Variants in ZNF432 observed in about 807,000 individuals in gnomAD.
ZNF432 encodes zinc finger protein 432.
ZNF432 carries 10 observed loss-of-function variants against 13.9 expected under a neutral mutation model. That is an observed-to-expected ratio of 0.72 (90% CI 0.44 to 1.22). The LOEUF (loss-of-function observed/expected upper bound fraction) is 1.22, where lower values mean the gene tolerates loss of function less well. Ranked by LOEUF, ZNF432 falls within the 50% of genes most tolerant of loss-of-function variation. ZNF432 has a pLI of 0.00. For missense variants in ZNF432, 793 were observed against 796.2 expected, an observed-to-expected ratio of 1.00 and a Z score of 0.05; for synonymous variants, 247 against 256.2, an observed-to-expected ratio of 0.96 and a Z score of 0.34.
intron 2 of ZNF432, among the ~76,000 whole-genome samples, chr19:52,042,143 AAT>A (rs2087142343): frequency 1.3e-5 from 2 of 152,194 alleles, no homozygotes; most frequent in Admixed American, 6.5e-5. Context: ...CATACATATA[AAT>A]ATATGTTTAT....
chr19:52,040,552 G>A lies in ZNF432; in HGVS notation c.174C>T (p.Ser58=). The change falls in exon 4 of 5, where the codon TCC becomes TCT. Residue 58 remains serine (S), a synonymous_variant. Coordinates refer to ENST00000221315, the MANE Select transcript of ZNF432 (RefSeq NM_014650.4). ...GYQVSKPDAL[S]KLERGEEPWT... Reference sequence around the variant, plus strand: ...ATGGTTCTTCTCCTCGTTCCAACTTGGAGAGTGCATCTGGTTTGCTGACTT... The same window carrying A: ...ATGGTTCTTCTCCTCGTTCCAACTTAGAGAGTGCATCTGGTTTGCTGACTT... The A allele has an allele frequency of 1.2e-6, 2 of 1,614,112 alleles. No homozygotes were observed. The highest frequency in any genetic ancestry group is 1.7e-6 in the Non-Finnish European group (2 of 1,180,012).
chr19:52,042,297 C>T (rs1262823641), intron 2 of ZNF432, among the ~76,000 whole-genome samples: 1 of 151,954 alleles, frequency 6.6e-6, no homozygotes, highest in Non-Finnish European at 1.5e-5. Flanking sequence ...ACCTGTAATC[C>T]CAGCACTTTG....
At chr19:52,036,171 C>A (rs2087079180) in intron 4 of ZNF432, among the ~76,000 whole-genome samples, 1 of 152,214 alleles carries the variant, frequency 6.6e-6, no homozygotes, top group South Asian at 2.1e-4. Context: ...TGTATTTATT[C>A]ACTCCACTAG....
intron 2 of ZNF432, among the ~76,000 whole-genome samples, chr19:52,045,207 AAC>A (rs2087169584): frequency 6.6e-6 from 1 of 152,174 alleles, no homozygotes; most frequent in Admixed American, 6.5e-5. Flanking sequence ...ACATACATAA[AAC>A]ACATGGATTT....
chr19:52,045,229 C>T (rs1031550762), intron 2 of ZNF432, among the ~76,000 whole-genome samples: 11 of 151,840 alleles, frequency 7.2e-5, no homozygotes, highest in Admixed American at 5.9e-4. Flanking sequence ...TATAAATACA[C>T]ATATATACAG....
At chr19:52,048,182 C>CACACAAAAAA (rs1482172095) in intron 1 of ZNF432, among the ~76,000 whole-genome samples, 13 of 146,306 alleles carry the variant, frequency 8.9e-5, no homozygotes, top group African/African-American at 2.1e-4. Flanking sequence ...CACACACACA[C>CACACAAAAAA]AAAACCAGCC....
intron 2 of ZNF432, among the ~76,000 whole-genome samples, chr19:52,043,626 T>C (rs372696534): frequency 1.2e-4 from 18 of 152,200 alleles, no homozygotes; most frequent in East Asian, 9.7e-4. Flanking sequence ...GGAAGGCATC[T>C]GTCTCCTGCC....
In ZNF432 at chr19:52,032,458, CAG is replaced by C. The variant is rs2087023739; in HGVS notation, c.*1260_*1261del. The stretch of plus-strand genomic sequence containing the variant: ...TGGTTTTTTTTTTTTTTTTTTGAGG[CAG>C]AGTTTCGCTCTTGTTGCCCAGGCTG... On this transcript the variant is annotated 3_prime_UTR_variant, in exon 5 of 5. Coordinates refer to ENST00000221315, the MANE Select transcript of ZNF432 (RefSeq NM_014650.4). 1 of 119,412 alleles carries C rather than the reference CAG, an allele frequency of 8.4e-6. No homozygotes were observed. Among genetic ancestry groups the C allele is most frequent in the Non-Finnish European group, 1.7e-5 (1 of 59,452 alleles). The allele number at this position is 119,412 out of a possible 1,614,324, so 7.4% of individuals were successfully genotyped here. A position where few individuals can be genotyped will look rare whatever the true frequency, so the allele number is the denominator to read the frequency against.
At chr19:52,044,195 C>T (rs376157896) in intron 2 of ZNF432, among the ~76,000 whole-genome samples, 18 of 151,974 alleles carry the variant, frequency 1.2e-4, no homozygotes, top group African/African-American at 4.4e-4. Flanking sequence ...CTTAATGCTG[C>T]TGATCTCATC....
chr19:52,044,374 AT>A (rs1372394238), intron 2 of ZNF432, among the ~76,000 whole-genome samples: 3 of 152,134 alleles, frequency 2.0e-5, no homozygotes, highest in Non-Finnish European at 4.4e-5. Context: ...GTTAAAAGCC[AT>A]AAAGGAAAAA....
At position 52,031,626 on chromosome 19, in the gene ZNF432, C is replaced by T. The variant is rs1242029393; in HGVS notation, c.*2094G>A. 6.6e-6 allele frequency: 1 copy of T among 152,164 alleles called. No individual in the cohort carries two copies. Among genetic ancestry groups the T allele is most frequent in the Admixed American group, 6.5e-5 (1 of 15,276 alleles). The allele number at this position is 152,164 out of a possible 1,614,324, so 9.4% of individuals were successfully genotyped here. A position where few individuals can be genotyped will look rare whatever the true frequency, so the allele number is the denominator to read the frequency against. Reference sequence around the variant, plus strand: ...CTTACGATTCCATTTTAATAGCATTCTTGAAATAACAAAATTAGGGTAATG... The same window carrying T: ...CTTACGATTCCATTTTAATAGCATTTTTGAAATAACAAAATTAGGGTAATG... On this transcript the variant is annotated 3_prime_UTR_variant, in exon 5 of 5. Coordinates refer to ENST00000221315, the MANE Select transcript of ZNF432 (RefSeq NM_014650.4).
chr19:52,040,373 A>G, intron 4 of ZNF432, 115 bp downstream of exon 4: 1 of 885,506 alleles, frequency 1.1e-6, no homozygotes, highest in Non-Finnish European at 1.9e-6. Flanking sequence ...TTTCTTGTGG[A>G]GGGAAAACGA....
intron 1 of ZNF432, among the ~76,000 whole-genome samples, chr19:52,048,195 G>A (rs2087211093): frequency 1.1e-5 from 1 of 93,836 alleles, no homozygotes; most frequent in African/African-American, 3.6e-5. Flanking sequence ...AACCAGCCAG[G>A]GCTCTTGTGA....
chr19:52,047,687 A>G (rs11882053), intron 1 of ZNF432, among the ~76,000 whole-genome samples: 52,294 of 148,172 alleles, frequency 0.35, 9,772 homozygotes, highest in South Asian at 0.61. Flanking sequence ...AAAAAAAAAA[A>G]TGTTTATATA....
In ZNF432 at chr19:52,046,864, A is replaced by T; in HGVS notation, c.5T>A (p.Ile2Asn). The T allele has an allele frequency of 1.2e-6, 2 of 1,613,576 alleles. No individual in the cohort carries two copies. ...TAGAGAAAAAGTCACCTGGGCATTG[A>T]TCATTTTCTTCTGTTGTGGGAAATG... M[I>N]NAQELLTLED... Residue 2 changes from isoleucine (I) to asparagine (N), a missense_variant, in exon 2 of 5, where the codon ATC (isoleucine) becomes AAC (asparagine). Ile to Asn is a moderately radical substitution (Grantham distance 149). Transcript: ENST00000221315.
intron 2 of ZNF432, among the ~76,000 whole-genome samples, chr19:52,044,227 C>A (rs1056791176): frequency 3.3e-5 from 5 of 151,774 alleles, no homozygotes; most frequent in African/African-American, 9.7e-5. Context: ...TTATTTCACA[C>A]GAGAAATAAA....
rs2087028369 is a variant in ZNF432 at position 52,032,804 on chromosome 19, T to C, written c.*916A>G. 6.6e-6 allele frequency: 1 copy of C among 152,234 alleles called. No homozygotes were observed. Among genetic ancestry groups the C allele is most frequent in the African/African-American group, 2.4e-5 (1 of 41,468 alleles). The allele number at this position is 152,234 out of a possible 1,614,324, so 9.4% of individuals were successfully genotyped here. Reference sequence around the variant, plus strand: ...TGATCCTTTTTAAAGTTACTCTTCATATAAGTTTTATTTCTGTATGAAGTA... The same window carrying C: ...TGATCCTTTTTAAAGTTACTCTTCACATAAGTTTTATTTCTGTATGAAGTA... On this transcript the variant is annotated 3_prime_UTR_variant, in exon 5 of 5. Coordinates refer to ENST00000221315, the MANE Select transcript of ZNF432 (RefSeq NM_014650.4).
chr19:52,042,877 C>T (rs2087148775), intron 2 of ZNF432, among the ~76,000 whole-genome samples: 1 of 152,060 alleles, frequency 6.6e-6, no homozygotes, highest in Admixed American at 6.6e-5. Flanking sequence ...AGATGCATTA[C>T]CATCAAAAGA....
chr19:52,033,881 T>C lies in ZNF432; in HGVS notation c.1798A>G (p.Asn600Asp). Reference protein sequence around the residue: ...VHTGEKPYGCNECGKGFTMKS... With the variant: ...VHTGEKPYGCDECGKGFTMKS... ...ATAGTGAAGCCTTTACCACATTCAT[T>C]ACATCCATAAGGTTTTTCTCCAGTA... Residue 600 changes from asparagine to aspartate, a missense_variant, in exon 5 of 5, where the codon AAT (asparagine) becomes GAT (aspartate). By Grantham distance (23) the Asn-to-Asp change is conservative. Coordinates refer to ENST00000221315, the MANE Select transcript of ZNF432 (RefSeq NM_014650.4). 6 of 1,614,146 alleles carry C rather than the reference T, an allele frequency of 3.7e-6. No homozygotes were observed. Among genetic ancestry groups the C allele is most frequent in the Non-Finnish European group, 5.1e-6 (6 of 1,180,030 alleles).
Sources: allele counts gnomAD v4.1 joint callset (sites outside exome capture counted in the v4.1 genomes callset), GRCh38; gene constraint gnomAD v4.1.1; transcripts MANE v1.5; gene names NCBI Gene and HGNC (gene_info 2026-07-23, HGNC 2026-07-21).